Variants in ASIC2 observed in about 807,000 individuals in gnomAD.
The protein encoded by ASIC2 is acid-sensing ion channel 2.
Under a neutral mutation model 57.3 loss-of-function variants are expected in ASIC2, and 25 were observed. The observed-to-expected ratio is 0.44, with a 90% CI of 0.32 to 0.61. The LOEUF (loss-of-function observed/expected upper bound fraction) is 0.61, where lower values mean the gene tolerates loss of function less well. ASIC2 is among the 20% of genes least tolerant of loss of function. The pLI is 0.06. For synonymous variants in ASIC2, 319 were observed against 307.5 expected (o/e 1.04, Z -0.39); for missense variants, 641 against 738.1 (o/e 0.87, Z 1.52).
chr17:33,406,080 C>A (rs1299271461), intron 1 of ASIC2, among the ~76,000 whole-genome samples: 1 of 152,166 alleles, frequency 6.6e-6, no homozygotes, highest in Non-Finnish European at 1.5e-5. Flanking sequence ...CCTGACCCAA[C>A]CTGGTGTTTT....
intron 1 of ASIC2, among the ~76,000 whole-genome samples, chr17:33,908,124 C>A (rs992577592): frequency 6.6e-6 from 1 of 152,214 alleles, no homozygotes; most frequent in Non-Finnish European, 1.5e-5. Flanking sequence ...TTCCATCATT[C>A]TCTGCCCTGG....
chr17:33,427,343 T>C (rs1911253530), intron 1 of ASIC2, among the ~76,000 whole-genome samples: 1 of 152,214 alleles, frequency 6.6e-6, no homozygotes, highest in Non-Finnish European at 1.5e-5. Context: ...ATCTACCCCA[T>C]GGGAATAATC....
intron 1 of ASIC2, among the ~76,000 whole-genome samples, chr17:33,242,211 GGAGGCT>G (rs368502523): frequency 7.2e-5 from 11 of 152,088 alleles, no homozygotes; most frequent in African/African-American, 2.7e-4. Flanking sequence ...CAGCTACTCG[GGAGGCT>G]GAGGCAGGAG....
chr17:33,997,777 A>AT lies in ASIC2; in HGVS notation c.555+158200dup, dbSNP rs200308051. On this transcript the variant is annotated intron_variant, in intron 1 of 9. Coordinates refer to the ASIC2 transcript ENST00000359872. ...AGGTGCTGTTGAATTTGGCTTGCTA[A>AT]TTTTTTTTTTTGAGGATTTTTGCTT... Among the ~76,000 whole-genome samples the AT allele has an allele frequency of 1.8e-3, 262 of 147,974 alleles. 3 individuals are homozygous for AT. The highest frequency in any genetic ancestry group is 3.8e-3 in the African/African-American group (154 of 40,272).
chr17:33,758,015 G>C (rs995589717), intron 1 of ASIC2, among the ~76,000 whole-genome samples: 25 of 152,230 alleles, frequency 1.6e-4, no homozygotes, highest in Admixed American at 5.9e-4. Flanking sequence ...ATTGATTTCT[G>C]CATAAAGAGG....
intron 1 of ASIC2, among the ~76,000 whole-genome samples, chr17:33,702,824 T>C (rs1162330755): frequency 6.6e-6 from 1 of 152,210 alleles, no homozygotes; most frequent in East Asian, 1.9e-4. Context: ...GATTTAATGA[T>C]TCATTCACTC....
chr17:33,464,540 C>CTTTCTTTCTCTTTCTT (rs59312185), intron 1 of ASIC2, among the ~76,000 whole-genome samples: 5 of 49,392 alleles, frequency 1.0e-4, no homozygotes, highest in Admixed American at 2.4e-4. Flanking sequence ...TTCTTTCTTT[C>CTTTCTTTCTCTTTCTT]TCTTTCTTTC....
chr17:33,798,098 G>T (rs1306514936), intron 1 of ASIC2, among the ~76,000 whole-genome samples: 1 of 152,114 alleles, frequency 6.6e-6, no homozygotes. Flanking sequence ...GTGCCGGAGG[G>T]AAGAAAATGA....
At chr17:33,847,206 T>C (rs1913633273) in intron 1 of ASIC2, among the ~76,000 whole-genome samples, 1 of 151,688 alleles carries the variant, frequency 6.6e-6, no homozygotes, top group South Asian at 2.1e-4. Flanking sequence ...TTCTAGTAGC[T>C]TCAGGCTCTA....
At chr17:33,062,573 T>C (rs1386150775) in intron 3 of ASIC2, among the ~76,000 whole-genome samples, 1 of 152,228 alleles carries the variant, frequency 6.6e-6, no homozygotes, top group African/African-American at 2.4e-5. Context: ...AGGAGTGCTT[T>C]ACTTCCAACT....
chr17:34,108,330 T>C (rs1911140559), intron 1 of ASIC2, among the ~76,000 whole-genome samples: 1 of 152,158 alleles, frequency 6.6e-6, no homozygotes, highest in Non-Finnish European at 1.5e-5. Flanking sequence ...CTCTCACAAA[T>C]TGTGATATGA....
chr17:33,938,353 C>G (rs146482888), intron 1 of ASIC2, among the ~76,000 whole-genome samples: 3 of 152,252 alleles, frequency 2.0e-5, no homozygotes, highest in African/African-American at 7.2e-5. Context: ...CTCCCACCAA[C>G]GCTAGAGGCT....
rs187182222 is a variant in ASIC2, at chr17:33,347,799, G to A, written c.556-235732C>T. Among the ~76,000 whole-genome samples the A allele has an allele frequency of 4.6e-5, 7 of 152,274 alleles. No individual in the cohort carries two copies. The East Asian group carries it at 1.4e-3, about 29-fold the overall frequency. On this transcript the variant is annotated intron_variant, in intron 1 of 9. Transcript: ENST00000359872. Reference sequence around the variant, plus strand: ...TATGACCATGGGTAGCGGAGGCAGGGTGGGTAAAAATGGATTGTTATGCTG... The same window carrying A: ...TATGACCATGGGTAGCGGAGGCAGGATGGGTAAAAATGGATTGTTATGCTG...
intron 1 of ASIC2, among the ~76,000 whole-genome samples, chr17:33,964,892 C>T (rs1004999099): frequency 1.3e-5 from 2 of 152,132 alleles, no homozygotes; most frequent in African/African-American, 4.8e-5. Flanking sequence ...TTCTCTTGAC[C>T]TCAGTTTCGC....
chr17:33,776,595 G>T (rs902543895), intron 1 of ASIC2, among the ~76,000 whole-genome samples: 1 of 152,168 alleles, frequency 6.6e-6, no homozygotes, highest in Admixed American at 6.5e-5. Context: ...GGAACTCCTC[G>T]CTGTCACCCA....
chr17:33,435,954 C>T (rs1020681910), intron 1 of ASIC2, among the ~76,000 whole-genome samples: 1 of 152,168 alleles, frequency 6.6e-6, no homozygotes, highest in African/African-American at 2.4e-5. Flanking sequence ...TTAGCAAAAC[C>T]CGGGAGAAAT....
At chr17:33,039,086 C>T (rs2091920762) in intron 3 of ASIC2, among the ~76,000 whole-genome samples, 1 of 152,178 alleles carries the variant, frequency 6.6e-6, no homozygotes, top group South Asian at 2.1e-4. Context: ...GGCAGGAAAG[C>T]ATATATGAGG....
At chr17:33,644,772 TC>T (rs1351405053) in intron 1 of ASIC2, among the ~76,000 whole-genome samples, 1 of 152,220 alleles carries the variant, frequency 6.6e-6, no homozygotes, top group African/African-American at 2.4e-5. Flanking sequence ...TCTACCTGTC[TC>T]CTGTCATTGT....
intron 1 of ASIC2, among the ~76,000 whole-genome samples, chr17:33,495,801 AG>A (rs1232729757): frequency 6.6e-6 from 1 of 152,168 alleles, no homozygotes; most frequent in Non-Finnish European, 1.5e-5. Flanking sequence ...GTGTAGAGAA[AG>A]GCACAACATC....
Sources: gnomAD v4.1 joint callset for allele counts (sites outside exome capture counted in the v4.1 genomes callset) on GRCh38, gnomAD v4.1.1 for gene constraint, MANE v1.5 for transcripts, NCBI Gene and HGNC (gene_info 2026-07-23, HGNC 2026-07-21) for gene names.